Variants in FRMD4A observed in about 807,000 individuals in gnomAD.
FRMD4A encodes FERM domain containing 4A.
A neutral mutation model predicts 129.1 loss-of-function variants in FRMD4A; 29 were observed. That is an observed-to-expected ratio of 0.22 (90% confidence interval 0.17 to 0.31). The LOEUF is 0.31. Among genes scored for constraint, FRMD4A ranks in the 10% least tolerant of loss-of-function variants. FRMD4A has a pLI of 1.00. For missense variants in FRMD4A, 1,272 were observed against 1,375.8 expected (o/e 0.92, Z 1.19); for synonymous variants, 634 against 571.6 (o/e 1.11, Z -1.56).
Position 13,659,415 on chromosome 10 carries a change from G to C in FRMD4A, c.1974C>G (p.Pro658=), listed in dbSNP as rs1227327332. The C allele has an allele frequency of 1.2e-6, 2 of 1,613,912 alleles. No individual in the cohort carries two copies. Among genetic ancestry groups the C allele is most frequent in the Non-Finnish European group, 1.7e-6 (2 of 1,179,944 alleles). The part of the protein sequence containing the change: ...GGGSNSLQNS[P]IRGLPHWNSQ... ...AGTTCCAGTGCGGGAGGCCGCGGAT[G>C]GGGCTGTTCTGCAAGGAGTTGCTTC... The change falls in exon 21 of 25, where the codon CCC becomes CCG. Residue 658 remains proline (P), a synonymous_variant. Coordinates refer to ENST00000357447, the MANE Select transcript of FRMD4A (RefSeq NM_018027.5).
chr10:13,837,512 C>G (rs1479250163), intron 3 of FRMD4A, among the ~76,000 whole-genome samples: 1 of 152,234 alleles, frequency 6.6e-6, no homozygotes, highest in Non-Finnish European at 1.5e-5. Flanking sequence ...AGTGGGGAGA[C>G]TACAGCAGTT....
intron 15 of FRMD4A, among the ~76,000 whole-genome samples, chr10:13,677,728 CTT>C (rs2084124866): frequency 6.6e-6 from 1 of 152,206 alleles, no homozygotes; most frequent in Non-Finnish European, 1.5e-5. Flanking sequence ...CATTGTGACT[CTT>C]AATCTGGTTC....
At chr10:13,681,395 C>T (rs2084570484) in intron 15 of FRMD4A, among the ~76,000 whole-genome samples, 1 of 152,078 alleles carries the variant, frequency 6.6e-6, no homozygotes, top group Admixed American at 6.6e-5. Context: ...ATGGATGGAA[C>T]CTCTTTATTC....
At chr10:13,938,096 A>G (rs139795897) in intron 2 of FRMD4A, among the ~76,000 whole-genome samples, 1 of 152,364 alleles carries the variant, frequency 6.6e-6, no homozygotes, top group African/African-American at 2.4e-5. Flanking sequence ...CTAAACCACC[A>G]CTACAGATAA....
chr10:13,799,695 C>G (rs1231139028), intron 4 of FRMD4A, among the ~76,000 whole-genome samples: 1 of 152,144 alleles, frequency 6.6e-6, no homozygotes, highest in East Asian at 1.9e-4. Context: ...CTCCTTGGAA[C>G]TGGAGAACTG....
chr10:13,646,755 A>G lies in FRMD4A; in HGVS notation c.*283T>C, dbSNP rs1169760224. The G allele has an allele frequency of 6.5e-6, 1 of 152,770 alleles. No individual in the cohort carries two copies. The highest frequency in any genetic ancestry group is 2.4e-5 in the African/African-American group (1 of 41,422). 9.5% of individuals were successfully genotyped at this position (152,770 alleles called of 1,614,324 possible). A position where few individuals can be genotyped will look rare whatever the true frequency, so the allele number is the denominator to read the frequency against. On this transcript the variant is annotated 3_prime_UTR_variant, in exon 25 of 25. Coordinates refer to ENST00000357447, the MANE Select transcript of FRMD4A (RefSeq NM_018027.5). Reference sequence around the variant, plus strand: ...CCAGGGGACACACAGTGGGACCGGAACCTTCCAGAATGTCTCCTCAGTCAG... The same window carrying G: ...CCAGGGGACACACAGTGGGACCGGAGCCTTCCAGAATGTCTCCTCAGTCAG...
intron 2 of FRMD4A, among the ~76,000 whole-genome samples, chr10:14,125,042 C>T (rs999876307): frequency 1.3e-5 from 2 of 152,144 alleles, no homozygotes; most frequent in Admixed American, 6.5e-5. Flanking sequence ...TTTCTAGCTT[C>T]CCCTTTACAA....
chr10:13,809,739 A>G (rs944231144), intron 4 of FRMD4A, among the ~76,000 whole-genome samples: 25 of 152,208 alleles, frequency 1.6e-4, no homozygotes, highest in African/African-American at 5.5e-4. Flanking sequence ...AACACACCAC[A>G]GCCTGAAATG....
chr10:13,949,215 C>T (rs1032663882), intron 2 of FRMD4A, among the ~76,000 whole-genome samples: 1 of 146,820 alleles, frequency 6.8e-6, no homozygotes, highest in Non-Finnish European at 1.5e-5. Flanking sequence ...GCAGGTTCTG[C>T]TATTGACAAT....
chr10:14,323,370 T>C (rs1444234400), intron 2 of FRMD4A, among the ~76,000 whole-genome samples: 1 of 152,226 alleles, frequency 6.6e-6, no homozygotes, highest in African/African-American at 2.4e-5. Context: ...AAATCTTACA[T>C]GGTAGCTATT....
At chr10:13,942,719 G>A (rs1588454082) in intron 2 of FRMD4A, among the ~76,000 whole-genome samples, 1 of 152,168 alleles carries the variant, frequency 6.6e-6, no homozygotes, top group Admixed American at 6.5e-5. Flanking sequence ...CAGATCACGA[G>A]GTCAAGAGAC....
chr10:13,848,497 A>C (rs2094087896), intron 3 of FRMD4A, among the ~76,000 whole-genome samples: 1 of 152,116 alleles, frequency 6.6e-6, no homozygotes, highest in Non-Finnish European at 1.5e-5. Flanking sequence ...GCAGGGGCGC[A>C]AAGAAGGGGT....
At chr10:13,837,265 G>T (rs891616787) in intron 3 of FRMD4A, among the ~76,000 whole-genome samples, 10 of 152,140 alleles carry the variant, frequency 6.6e-5, no homozygotes, top group African/African-American at 2.4e-4. Flanking sequence ...TGCCCTAACT[G>T]CTGCCTTTCT....
chr10:13,733,780 G>C (rs533342993), intron 12 of FRMD4A, among the ~76,000 whole-genome samples: 1 of 152,174 alleles, frequency 6.6e-6, no homozygotes, highest in African/African-American at 2.4e-5. Context: ...CTTAAGGAGG[G>C]CCCCAAATTA....
Position 13,701,323 on chromosome 10 carries a change from G to C in FRMD4A, c.975+17C>G, listed in dbSNP as rs201449820. The C allele has an allele frequency of 2.5e-6, 4 of 1,607,154 alleles. No homozygotes were observed. The highest frequency in any genetic ancestry group is 3.4e-6 in the Non-Finnish European group (4 of 1,175,544). On this transcript the variant is annotated intron_variant, in intron 14 of 24. Coordinates refer to ENST00000357447, the MANE Select transcript of FRMD4A (RefSeq NM_018027.5). ...GCAGACAATGGCCCGGGCTTGGTGA[G>C]AGGTCTGGTCACTCACCTTACTCTG...
chr10:13,698,173 C>A (rs7893899), intron 14 of FRMD4A, among the ~76,000 whole-genome samples: 56,023 of 151,842 alleles, frequency 0.37, 10,860 homozygotes, highest in African/African-American at 0.5. Flanking sequence ...GAAGAAAAAA[C>A]CCGAGTGTCA....
intron 2 of FRMD4A, among the ~76,000 whole-genome samples, chr10:13,866,818 G>A (rs2094373557): frequency 6.6e-6 from 1 of 152,068 alleles, no homozygotes; most frequent in East Asian, 1.9e-4. Flanking sequence ...TAGGTATGTT[G>A]GCACCTGTAA....
At chr10:14,036,221 T>C (rs1975886) in intron 2 of FRMD4A, among the ~76,000 whole-genome samples, 103,518 of 151,990 alleles carry the variant, frequency 0.68, 36,732 homozygotes, top group East Asian at 0.91. Flanking sequence ...CTCGGAATCC[T>C]TGTAAGCCTC....
At chr10:14,030,099 A>AG (rs1833167063) in intron 2 of FRMD4A, among the ~76,000 whole-genome samples, 1 of 152,168 alleles carries the variant, frequency 6.6e-6, no homozygotes, top group South Asian at 2.1e-4. Flanking sequence ...CAGGAGCTGG[A>AG]GGAGGGGGAA....
Sources: gnomAD v4.1 joint callset for allele counts (sites outside exome capture counted in the v4.1 genomes callset) on GRCh38, gnomAD v4.1.1 for gene constraint, MANE v1.5 for transcripts, NCBI Gene and HGNC (gene_info 2026-07-23, HGNC 2026-07-21) for gene names.